The following CCDC85A variants were observed in gnomAD, a reference collection of about 807,000 sequenced individuals.
The protein encoded by CCDC85A is coiled-coil domain containing 85A.
Under a neutral mutation model 50.2 loss-of-function variants are expected in CCDC85A, and 38 were observed. The observed-to-expected ratio is 0.76, with a 90% CI of 0.58 to 0.99. CCDC85A has a LOEUF of 0.99. Ranked by LOEUF, CCDC85A falls within the 50% of genes least tolerant of loss-of-function variation. The pLI is 0.00. For synonymous variants in CCDC85A, 366 were observed against 301.4 expected, an observed-to-expected ratio of 1.21 and a Z score of -2.22; for missense variants, 820 against 742.0, an observed-to-expected ratio of 1.11 and a Z score of -1.22.
At chr2:56,255,871 CAA>C (rs1669961420) in intron 2 of CCDC85A, among the ~76,000 whole-genome samples, 1 of 151,938 alleles carries the variant, frequency 6.6e-6, no homozygotes, top group Non-Finnish European at 1.5e-5. Flanking sequence ...TTAGAAGAGA[CAA>C]GAGTGGAAGA....
At chr2:56,338,424 C>A (rs540189478) in intron 2 of CCDC85A, among the ~76,000 whole-genome samples, 1 of 152,054 alleles carries the variant, frequency 6.6e-6, no homozygotes, top group Admixed American at 6.5e-5. Flanking sequence ...GAAATAGCAG[C>A]ATGGGGAAGG....
intron 2 of CCDC85A, among the ~76,000 whole-genome samples, chr2:56,196,919 C>G (rs867416765): frequency 2.0e-5 from 3 of 151,218 alleles, no homozygotes; most frequent in Middle Eastern, 3.4e-3. Context: ...GTTTAATTAT[C>G]CTGGTGGGTC....
At chr2:56,308,787 C>T (rs185771859) in intron 2 of CCDC85A, among the ~76,000 whole-genome samples, 5 of 152,248 alleles carry the variant, frequency 3.3e-5, no homozygotes, top group East Asian at 3.9e-4. Context: ...TCTCATTGAC[C>T]GCTGCGCTGT....
intron 2 of CCDC85A, among the ~76,000 whole-genome samples, chr2:56,308,782 T>C (rs1265323529): frequency 6.6e-6 from 1 of 152,164 alleles, no homozygotes; most frequent in Non-Finnish European, 1.5e-5. Context: ...CACTTTCTCA[T>C]TGACCGCTGC....
At chr2:56,197,780 A>G (rs1676585585) in intron 2 of CCDC85A, among the ~76,000 whole-genome samples, 1 of 152,196 alleles carries the variant, frequency 6.6e-6, no homozygotes, top group Non-Finnish European at 1.5e-5. Context: ...GTTGTCTAAT[A>G]ACATACTATC....
At chr2:56,369,314 A>G (rs888432352) in intron 3 of CCDC85A, among the ~76,000 whole-genome samples, 14 of 152,144 alleles carry the variant, frequency 9.2e-5, no homozygotes, top group Admixed American at 2.0e-4. Context: ...GTCTTTAAAT[A>G]AATAGATGAG....
chr2:56,333,256 G>A (rs1054714182), intron 2 of CCDC85A, among the ~76,000 whole-genome samples: 1 of 152,172 alleles, frequency 6.6e-6, no homozygotes, highest in African/African-American at 2.4e-5. Flanking sequence ...ACGTCTCAAT[G>A]AGAAGTTGTG....
At chr2:56,257,177 T>G (rs918515902) in intron 2 of CCDC85A, among the ~76,000 whole-genome samples, 1 of 152,136 alleles carries the variant, frequency 6.6e-6, no homozygotes, top group African/African-American at 2.4e-5. Context: ...AGCAAAAACT[T>G]AAGTACGTTT....
At chr2:56,356,253 T>A (rs1400897900) in intron 3 of CCDC85A, among the ~76,000 whole-genome samples, 1 of 152,268 alleles carries the variant, frequency 6.6e-6, no homozygotes, top group Non-Finnish European at 1.5e-5. Flanking sequence ...AAAATTTGGA[T>A]GAAATATTTC....
chr2:56,365,192 A>G (rs541078065), intron 3 of CCDC85A, among the ~76,000 whole-genome samples: 2 of 152,356 alleles, frequency 1.3e-5, no homozygotes, highest in South Asian at 4.1e-4. Context: ...GAAGCTGCTT[A>G]CTACGTCCAC....
chr2:56,340,736 C>A (rs182231414), intron 2 of CCDC85A, among the ~76,000 whole-genome samples: 1 of 151,812 alleles, frequency 6.6e-6, no homozygotes, highest in East Asian at 1.9e-4. Context: ...AATAGCCAGG[C>A]GTGGTGGCAC....
chr2:56,252,857 C>T (rs1022825339), intron 2 of CCDC85A, among the ~76,000 whole-genome samples: 1 of 151,928 alleles, frequency 6.6e-6, no homozygotes, highest in African/African-American at 2.4e-5. Flanking sequence ...ATCCATGTCC[C>T]TGCAAAGGAC....
intron 3 of CCDC85A, among the ~76,000 whole-genome samples, chr2:56,370,813 A>G (rs1485298385): frequency 6.6e-6 from 1 of 152,120 alleles, no homozygotes; most frequent in Non-Finnish European, 1.5e-5. Context: ...GAAAGAATGA[A>G]AGTAGAATGC....
chr2:56,204,940 C>T (rs1676902589), intron 2 of CCDC85A, among the ~76,000 whole-genome samples: 4 of 152,130 alleles, frequency 2.6e-5, no homozygotes. Context: ...GTAGAGGTGA[C>T]TTGGGATTTG....
intron 2 of CCDC85A, among the ~76,000 whole-genome samples, chr2:56,275,966 T>A (rs1482080462): frequency 6.6e-6 from 1 of 152,162 alleles, no homozygotes; most frequent in African/African-American, 2.4e-5. Flanking sequence ...AGCATGAAGA[T>A]CCTATGGGCT....
intron 2 of CCDC85A, among the ~76,000 whole-genome samples, chr2:56,219,701 G>T (rs887892250): frequency 1.3e-5 from 2 of 151,800 alleles, no homozygotes; most frequent in African/African-American, 4.8e-5. Context: ...AGTGTACAAT[G>T]TTCTTCCACT....
intron 2 of CCDC85A, among the ~76,000 whole-genome samples, chr2:56,213,951 G>T (rs1350230950): frequency 2.6e-5 from 4 of 151,880 alleles, no homozygotes; most frequent in African/African-American, 9.7e-5. Flanking sequence ...TCAACAGCAC[G>T]ATATGACAGG....
intron 2 of CCDC85A, among the ~76,000 whole-genome samples, chr2:56,220,516 A>T (rs80074034): frequency 1.2e-3 from 183 of 152,194 alleles, no homozygotes; most frequent in African/African-American, 4.3e-3. Context: ...CTTTCAACGA[A>T]TGAGGGCAGA....
At chr2:56,217,699 A>G (rs1351890554) in intron 2 of CCDC85A, among the ~76,000 whole-genome samples, 4 of 151,856 alleles carry the variant, frequency 2.6e-5, no homozygotes, top group African/African-American at 9.7e-5. Flanking sequence ...TCTATATGCA[A>G]TAAAAGCAAA....
Sources: gnomAD v4.1 joint callset for allele counts (sites outside exome capture counted in the v4.1 genomes callset) on GRCh38, gnomAD v4.1.1 for gene constraint, MANE v1.5 for transcripts, NCBI Gene and HGNC (gene_info 2026-07-23, HGNC 2026-07-21) for gene names.